The following ERCC2 variants were observed in gnomAD, a reference collection of about 807,000 sequenced individuals.
ERCC2 encodes the protein general transcription and DNA repair factor IIH helicase subunit XPD.
ERCC2 carries 90 observed loss-of-function variants against 99.4 expected under a neutral mutation model. The observed-to-expected ratio is 0.91, with a 90% CI of 0.76 to 1.08. ERCC2 has a LOEUF of 1.08. Ranked by LOEUF, ERCC2 falls within the 50% of genes least tolerant of loss-of-function variation. The pLI, the probability that ERCC2 is intolerant of heterozygous loss-of-function variation, is 0.00. For synonymous variants in ERCC2, 497 were observed against 432.4 expected (o/e 1.15, Z -1.85); for missense variants, 993 against 1,038.1 (o/e 0.96, Z 0.60).
At chr19:45,356,978 C>T (rs1019254072) in intron 15 of ERCC2, among the ~76,000 whole-genome samples, 1 of 152,352 alleles carries the variant, frequency 6.6e-6, no homozygotes, top group Admixed American at 6.5e-5. Context: ...TAAGCGCCTA[C>T]CTGTGCCAGG....
intron 12 of ERCC2, 142 bp from the exon 13 acceptor site, chr19:45,357,841 T>G: frequency 1.3e-6 from 1 of 766,922 alleles, no homozygotes; most frequent in Non-Finnish European, 2.2e-6. Flanking sequence ...CAAACATGAC[T>G]GCTTAAGCCC....
chr19:45,357,506 C>G lies in ERCC2; in HGVS notation c.1345G>C (p.Glu449Gln), dbSNP rs1972053094. The G allele has an allele frequency of 6.2e-7, 1 of 1,614,170 alleles. No homozygotes were observed. Reference protein sequence around the residue: ...DASLAIKPVFERFQSVIITSG... With the variant: ...DASLAIKPVFQRFQSVIITSG... Reference sequence around the variant, plus strand: ...GTGATGATGACAGACTGGAAACGCTCAAATACGGGTTTGATGGCCAGCGAG... The same window carrying G: ...GTGATGATGACAGACTGGAAACGCTGAAATACGGGTTTGATGGCCAGCGAG... Residue 449 changes from glutamate (E) to glutamine (Q), a missense_variant, in exon 14 of 23, where the codon GAG becomes CAG. By Grantham distance (29) the Glu-to-Gln change is conservative. Transcript: ENST00000391945.
rs1799787 is a variant in ERCC2 at position 45,352,886 on chromosome 19, G to A, written c.1832-70C>T. On this transcript the variant is annotated intron_variant, in intron 19 of 22. Transcript: ENST00000391945. Reference sequence around the variant, plus strand: ...TGGTGGGACAGGGACAGCCTCACGCGACCCAGGATGCTGTGTCTGAGTTGG... The same window carrying A: ...TGGTGGGACAGGGACAGCCTCACGCAACCCAGGATGCTGTGTCTGAGTTGG... 0.28 allele frequency: 408,878 copies of A among 1,446,924 alleles called. 62,092 individuals are homozygous for A. The highest frequency in any genetic ancestry group is 0.33 in the Middle Eastern group (1,729 of 5,258). 89.6% of individuals were successfully genotyped at this position (1,446,924 alleles called of 1,614,324 possible). A position where few individuals can be genotyped will look rare whatever the true frequency, so the allele number is the denominator to read the frequency against.
At chr19:45,352,057 C>CA (rs1213448321) in intron 22 of ERCC2, 152 bp downstream of exon 22, 1 of 953,630 alleles carries the variant, frequency 1.0e-6, no homozygotes, top group African/African-American at 1.6e-5. Flanking sequence ...CCCTTCCCCC[C>CA]AGAGCCTGGC....
In ERCC2 at chr19:45,366,000, C is replaced by T. The variant is rs186311513; in HGVS notation, c.361-842G>A. Among the ~76,000 whole-genome samples the T allele has an allele frequency of 3.3e-5, 5 of 152,068 alleles. No individual in the cohort carries two copies. In the East Asian group the frequency reaches 9.7e-4, roughly 30 times the overall value. On this transcript the variant is annotated intron_variant, in intron 5 of 22. Coordinates refer to ENST00000391945, the MANE Select transcript of ERCC2 (RefSeq NM_000400.4). ...CACAGGTGTGCACCACCATGCCCGGCTAATTTTTGTCTTCTTAGTTGAGAT... is the reference window on the plus strand; with the variant it reads ...CACAGGTGTGCACCACCATGCCCGGTTAATTTTTGTCTTCTTAGTTGAGAT...
chr19:45,352,236 C>T lies in ERCC2; in HGVS notation c.2163G>A (p.Leu721=), dbSNP rs758814007. The T allele has an allele frequency of 1.2e-6, 2 of 1,614,058 alleles. No homozygotes were observed. Among genetic ancestry groups the T allele is most frequent in the Middle Eastern group, 1.7e-4 (1 of 6,038 alleles). Residue 721 remains leucine (L), a synonymous_variant, in exon 22 of 23, where the codon CTG becomes CTA. Coordinates refer to ENST00000391945, the MANE Select transcript of ERCC2 (RefSeq NM_000400.4). ...DEGVQVAKYF[L]RQMAQPFHRE... is the part of the protein sequence containing the mutation. ...GGTGGAAGGGCTGTGCCATCTGCCGCAGGAAGTACTTGGCCACCTGGACAC... is the reference window on the plus strand; with the variant it reads ...GGTGGAAGGGCTGTGCCATCTGCCGTAGGAAGTACTTGGCCACCTGGACAC...
chr19:45,358,654 A>G (rs1184720750), intron 12 of ERCC2: 4 of 609,186 alleles, frequency 6.6e-6, no homozygotes, highest in Non-Finnish European at 1.2e-5. Flanking sequence ...AAAACCTCCC[A>G]AGGCTGCTCC....
At chr19:45,359,836 G>A (rs555310194) in intron 12 of ERCC2, among the ~76,000 whole-genome samples, 2 of 151,176 alleles carry the variant, frequency 1.3e-5, no homozygotes, top group South Asian at 4.2e-4. Flanking sequence ...TGCAGCTGGT[G>A]TGATCTCGGC....
intron 12 of ERCC2, chr19:45,358,857 G>A (rs772797982): frequency 1.3e-6 from 1 of 780,770 alleles, no homozygotes; most frequent in African/African-American, 1.7e-5. Context: ...AAGTTCTGGG[G>A]GGTTAGGGAT....
chr19:45,357,445 A>C, intron 14 of ERCC2, 29 bp downstream of exon 14: 1 of 1,612,854 alleles, frequency 6.2e-7, no homozygotes, highest in Non-Finnish European at 8.5e-7. Flanking sequence ...GAGGTCAGGG[A>C]CTAGGAGGGG....
At chr19:45,362,694 C>T (rs560347466) in intron 11 of ERCC2, among the ~76,000 whole-genome samples, 1 of 152,356 alleles carries the variant, frequency 6.6e-6, no homozygotes, top group East Asian at 1.9e-4. Context: ...CAGCATGAAG[C>T]AGGCACTTGG....
chr19:45,369,238 C>A, intron 2 of ERCC2, 91 bp from the exon 3 acceptor site: 2 of 938,112 alleles, frequency 2.1e-6, no homozygotes, highest in Non-Finnish European at 1.8e-6. Context: ...CCAATGCCAC[C>A]AACTCAGAAC....
intron 16 of ERCC2, 111 bp downstream of exon 16, chr19:45,355,554 G>T: frequency 9.9e-7 from 1 of 1,011,126 alleles, no homozygotes; most frequent in Non-Finnish European, 1.6e-6. Context: ...GGAAACTCTG[G>T]GCTGAGCAAC....
chr19:45,355,793 A>G (rs888034166), intron 15 of ERCC2, 65 bp from the exon 16 acceptor site: 2 of 1,178,684 alleles, frequency 1.7e-6, no homozygotes, highest in Admixed American at 1.7e-5. Context: ...AGTGCTGACC[A>G]CCTGCTGGTG....
At chr19:45,352,072 A>G in intron 22 of ERCC2, 137 bp downstream of exon 22, 1 of 1,037,164 alleles carries the variant, frequency 9.6e-7, no homozygotes, top group Non-Finnish European at 1.4e-6. Flanking sequence ...CCTGGCACGT[A>G]GATGCACGAT....
rs1253511182 is a variant in ERCC2, at chr19:45,364,480, A to G, written c.662T>C (p.Val221Ala). The G allele has an allele frequency of 1.2e-6, 2 of 1,613,868 alleles. No individual in the cohort carries two copies. The highest frequency in any genetic ancestry group is 2.2e-5 in the East Asian group (1 of 44,870). The stretch of plus-strand genomic sequence containing the variant: ...GGCCTTGCGGGCCAGTTCCTTGGAC[A>G]CCAGGTCTGCAATCTTGGGGTCCAG... ...YLLDPKIADL[V>A]SKELARKAVV... is the part of the protein sequence containing the mutation. Residue 221 changes from valine to alanine, a missense_variant, in exon 8 of 23, where the codon GTG becomes GCG. Transcript: ENST00000391945.
In ERCC2 at chr19:45,361,617, G is replaced by A; in HGVS notation, c.1144C>T (p.Leu382=). 6.2e-7 allele frequency: 1 copy of A among 1,613,950 alleles called. No homozygotes were observed. The highest frequency in any genetic ancestry group is 2.2e-5 in the East Asian group (1 of 44,874). The change falls in exon 12 of 23, where the codon CTG becomes TTG. Residue 382 remains leucine, a synonymous_variant. Coordinates refer to ENST00000391945, the MANE Select transcript of ERCC2 (RefSeq NM_000400.4). ...TCGGTGATCTCCAGAGTATGCAGCA[G>A]GGACCGGAGGCGTTCAGCACAGAAT... ...LRFCAERLRS[L]LHTLEITDLA... is the part of the protein sequence containing the mutation.
rs762078454 is a variant in ERCC2 at position 45,350,627 on chromosome 19, C to G, written c.*1002G>C. The G allele has an allele frequency of 5.6e-6, 9 of 1,612,972 alleles. No homozygotes were observed. In the South Asian group the frequency reaches 9.9e-5, roughly 18 times the overall value. On this transcript the variant is annotated 3_prime_UTR_variant, in exon 23 of 23. Coordinates refer to ENST00000391945, the MANE Select transcript of ERCC2 (RefSeq NM_000400.4). ...GGCCTGGGGGACTGAGCAGCATCCC[C>G]GGCCCCTCCCCAGGCCCTTCGCCGC...
At chr19:45,368,042 T>G (rs1163264694) in intron 5 of ERCC2, among the ~76,000 whole-genome samples, 2 of 151,592 alleles carry the variant, frequency 1.3e-5, no homozygotes, top group Non-Finnish European at 2.9e-5. Context: ...CCCGGCTAAT[T>G]TTTGTATTTT....
Sources: allele counts gnomAD v4.1 joint callset (sites outside exome capture counted in the v4.1 genomes callset), GRCh38; gene constraint gnomAD v4.1.1; transcripts MANE v1.5; gene names NCBI Gene and HGNC (gene_info 2026-07-23, HGNC 2026-07-21).